ASTN1: variants seen among roughly 807,000 people sequenced by gnomAD.
ASTN1 encodes astrotactin-1.
Under a neutral mutation model 140.7 loss-of-function variants are expected in ASTN1, and 41 were observed. That is an observed-to-expected ratio of 0.29 (90% confidence interval 0.23 to 0.38). The LOEUF (loss-of-function observed/expected upper bound fraction) is 0.38. Ranked by LOEUF, ASTN1 falls within the 10% of genes least tolerant of loss-of-function variation. The probability of loss-of-function intolerance (pLI) is 1.00; values close to 1 mark genes in which losing one functional copy is unlikely to be tolerated. For synonymous variants in ASTN1, 640 were observed against 652.2 expected, an observed-to-expected ratio of 0.98 and a Z score of 0.29; for missense variants, 1,479 against 1,678.8, an observed-to-expected ratio of 0.88 and a Z score of 2.08.
chr1:177,124,084 G>A (rs1284509745), intron 1 of ASTN1, among the ~76,000 whole-genome samples: 1 of 152,118 alleles, frequency 6.6e-6, no homozygotes, highest in Non-Finnish European at 1.5e-5. Flanking sequence ...CCCATGGAGG[G>A]CTTGACTCTT....
chr1:176,932,632 A>G lies in ASTN1; in HGVS notation c.2671+1520T>C, dbSNP rs1047012492. 3.7e-4 allele frequency among the ~76,000 whole-genome samples: 57 copies of G among 152,242 alleles called. 3 individuals carry two copies. On this transcript the variant is annotated intron_variant, in intron 16 of 22. Coordinates refer to ENST00000361833, the MANE Select transcript of ASTN1 (RefSeq NM_004319.3). Reference sequence around the variant, plus strand: ...CATATTTCAGAGAACCAAAGTCAACACTTAGACTGTGGCAAAACTAGCCCC... The same window carrying G: ...CATATTTCAGAGAACCAAAGTCAACGCTTAGACTGTGGCAAAACTAGCCCC...
rs1415378813 is a variant in ASTN1 at position 177,149,268 on chromosome 1, A to AGT, written c.283+15125_283+15126insAC. Among the ~76,000 whole-genome samples, 107 of 83,238 alleles carry AGT rather than the reference A, an allele frequency of 1.3e-3. 1 individual carries two copies. The highest frequency in any genetic ancestry group is 4.0e-3 in the South Asian group (11 of 2,784). The allele number at this position is 83,238 out of a possible 152,430, so 54.6% of individuals were successfully genotyped here. On this transcript the variant is annotated intron_variant, in intron 1 of 22. Coordinates refer to ENST00000361833, the MANE Select transcript of ASTN1 (RefSeq NM_004319.3). ...TACTATATATAGTAAATATATATATACTATATATAGTAAATATATATATAG... is the reference window on the plus strand; with the variant it reads ...TACTATATATAGTAAATATATATATAGTCTATATATAGTAAATATATATATAG...
At chr1:177,090,583 A>C (rs1388724531) in intron 1 of ASTN1, among the ~76,000 whole-genome samples, 1 of 152,080 alleles carries the variant, frequency 6.6e-6, no homozygotes, top group Non-Finnish European at 1.5e-5. Flanking sequence ...TAGACCCAAT[A>C]CCCATTTGAT....
rs540423535 is a variant in ASTN1, at chr1:177,147,034, T to G, written c.283+17360A>C. On this transcript the variant is annotated intron_variant, in intron 1 of 22. Transcript: ENST00000361833. ...TGGGTTATTCTTAAATGAAACTGGA[T>G]TTTTTTAAAAAAAAACAGTGAGAGT... Among the ~76,000 whole-genome samples, 47 of 152,042 alleles carry G rather than the reference T, an allele frequency of 3.1e-4. 2 individuals are homozygous for G. The highest frequency in any genetic ancestry group is 9.9e-4 in the African/African-American group (41 of 41,384).
intron 8 of ASTN1, among the ~76,000 whole-genome samples, chr1:176,986,433 T>G (rs1673909023): frequency 6.6e-6 from 1 of 152,186 alleles, no homozygotes; most frequent in Admixed American, 6.5e-5. Flanking sequence ...TGAGGGTAGT[T>G]GGATGTAACA....
chr1:177,106,337 C>A (rs149829239), intron 1 of ASTN1, among the ~76,000 whole-genome samples: 8 of 152,310 alleles, frequency 5.3e-5, no homozygotes, highest in Non-Finnish European at 1.2e-4. Context: ...TTTAACTCCA[C>A]TGGCCTCATC....
chr1:177,029,295 C>T (rs1676297933), intron 5 of ASTN1: 1 of 509,566 alleles, frequency 2.0e-6, no homozygotes, highest in Non-Finnish European at 4.0e-6. Flanking sequence ...TTTTCACATA[C>T]AACACACTTT....
At chr1:177,149,366 A>G (rs1382213091) in intron 1 of ASTN1, among the ~76,000 whole-genome samples, 1 of 78,148 alleles carries the variant, frequency 1.3e-5, no homozygotes, top group Non-Finnish European at 2.0e-5. Flanking sequence ...GTAAATATAT[A>G]TATAGTATAT....
chr1:176,883,199 G>T (rs1230454901), intron 19 of ASTN1, among the ~76,000 whole-genome samples: 2 of 151,758 alleles, frequency 1.3e-5, no homozygotes, highest in Non-Finnish European at 1.5e-5. Flanking sequence ...GACACAACTA[G>T]GGCAAGGGAT....
intron 8 of ASTN1, among the ~76,000 whole-genome samples, chr1:177,011,646 C>T (rs893002450): frequency 1.7e-4 from 25 of 144,208 alleles, no homozygotes; most frequent in African/African-American, 5.5e-4. Flanking sequence ...AGGCACCACT[C>T]ACACACACAC....
In ASTN1 at chr1:176,978,921, G is replaced by A. The variant is rs147997675; in HGVS notation, c.1524-13684C>T. ...AAAAATCATACCTAAGAGAAATGAG[G>A]AAATATTCACTCATTTGTTCAGAAA... is the stretch of plus-strand genomic sequence containing the variant. On this transcript the variant is annotated intron_variant, in intron 8 of 22. Transcript: ENST00000361833. Among the ~76,000 whole-genome samples the A allele has an allele frequency of 4.3e-4, 65 of 152,226 alleles. 2 individuals carry two copies. In the East Asian group the frequency reaches 0.012, roughly 28 times the overall value.
At chr1:177,124,173 C>T (rs1477706488) in intron 1 of ASTN1, among the ~76,000 whole-genome samples, 1 of 152,114 alleles carries the variant, frequency 6.6e-6, no homozygotes, top group African/African-American at 2.4e-5. Context: ...AGGATGAGTA[C>T]ATCAGCTTCA....
intron 1 of ASTN1, among the ~76,000 whole-genome samples, chr1:177,115,966 T>C (rs1571806443): frequency 6.6e-6 from 1 of 152,190 alleles, no homozygotes; most frequent in African/African-American, 2.4e-5. Context: ...TGTTTTAGAA[T>C]ACGGTTAATA....
Position 176,861,290 on chromosome 1 carries a change from C to T in ASTN1, c.*2994G>A. Reference sequence around the variant, plus strand: ...TAAAAAATAATGAACGGACCAAACTCCATGGAAAACGATTGCACACTCAAT... The same window carrying T: ...TAAAAAATAATGAACGGACCAAACTTCATGGAAAACGATTGCACACTCAAT... On this transcript the variant is annotated 3_prime_UTR_variant, in exon 23 of 23. Transcript: ENST00000361833. 1 of 985,708 alleles carries T rather than the reference C, an allele frequency of 1.0e-6. No individual in the cohort carries two copies. Among genetic ancestry groups the T allele is most frequent in the Non-Finnish European group, 1.2e-6 (1 of 829,860 alleles). 61.1% of individuals were successfully genotyped at this position (985,708 alleles called of 1,614,324 possible).
chr1:176,997,730 A>T (rs1674519701), intron 8 of ASTN1, among the ~76,000 whole-genome samples: 1 of 152,126 alleles, frequency 6.6e-6, no homozygotes, highest in Non-Finnish European at 1.5e-5. Flanking sequence ...AAGACAAGGG[A>T]TAGAAATAAG....
At chr1:177,131,738 T>C (rs1172826139) in intron 1 of ASTN1, among the ~76,000 whole-genome samples, 1 of 152,106 alleles carries the variant, frequency 6.6e-6, no homozygotes, top group Non-Finnish European at 1.5e-5. Context: ...AAAAGAGACG[T>C]ATTTGGCTCA....
rs1281242693 is a variant in ASTN1 at position 177,092,773 on chromosome 1, A to G, written c.284-31508T>C. On this transcript the variant is annotated intron_variant, in intron 1 of 22. Coordinates refer to ENST00000361833, the MANE Select transcript of ASTN1 (RefSeq NM_004319.3). Reference sequence around the variant, plus strand: ...TTTTGACAAAATTATGATTTCCCTCATTGAATTGTCTTGGCACTCTTGCCA... The same window carrying G: ...TTTTGACAAAATTATGATTTCCCTCGTTGAATTGTCTTGGCACTCTTGCCA... Among the ~76,000 whole-genome samples the G allele has an allele frequency of 2.0e-5, 3 of 152,290 alleles. No homozygotes were observed. The East Asian group carries it at 5.8e-4, about 29-fold the overall frequency.
intron 16 of ASTN1, among the ~76,000 whole-genome samples, chr1:176,897,168 G>T (rs1669544237): frequency 6.6e-6 from 1 of 151,462 alleles, no homozygotes; most frequent in Non-Finnish European, 1.5e-5. Context: ...CCAGCTACTC[G>T]GGAGGCTGAG....
At chr1:177,019,612 T>G (rs1385638906) in intron 7 of ASTN1, among the ~76,000 whole-genome samples, 1 of 152,228 alleles carries the variant, frequency 6.6e-6, no homozygotes, top group Non-Finnish European at 1.5e-5. Context: ...CTTTGGGCAC[T>G]TGATGATCTT....
Sources: allele counts gnomAD v4.1 joint callset (sites outside exome capture counted in the v4.1 genomes callset), GRCh38; gene constraint gnomAD v4.1.1; transcripts MANE v1.5; gene names NCBI Gene and HGNC (gene_info 2026-07-23, HGNC 2026-07-21).